The following TRDMT1 variants were observed in gnomAD, a reference collection of about 807,000 sequenced individuals.
TRDMT1 encodes tRNA (cytosine(38)-C(5))-methyltransferase.
TRDMT1 carries 49 observed loss-of-function variants against 51.2 expected under a neutral mutation model. The observed-to-expected ratio is 0.96, with a 90% CI of 0.76 to 1.21. The LOEUF (loss-of-function observed/expected upper bound fraction) is 1.21. TRDMT1 is among the 50% of genes most tolerant of loss of function. The pLI, the probability that TRDMT1 is intolerant of heterozygous loss-of-function variation, is 0.00. For missense variants in TRDMT1, 534 were observed against 462.3 expected (o/e 1.16, Z -1.42); for synonymous variants, 187 against 164.6 (o/e 1.14, Z -1.04).
Position 17,147,222 on chromosome 10 carries a change from G to T in TRDMT1, c.*1818C>A, listed in dbSNP as rs909651395. 2.0e-6 allele frequency: 2 copies of T among 985,692 alleles called. No individual in the cohort carries two copies. The highest frequency in any genetic ancestry group is 2.4e-6 in the Non-Finnish European group (2 of 829,934). The allele number at this position is 985,692 out of a possible 1,614,324, so 61.1% of individuals were successfully genotyped here. ...ACATGAAAGTGTGCCAAAATAATTT[G>T]TGATTGTTTACTGAAATTTATGAGA... On this transcript the variant is annotated 3_prime_UTR_variant, in exon 11 of 11. Coordinates refer to ENST00000377799, the MANE Select transcript of TRDMT1 (RefSeq NM_004412.7).
intron 1 of TRDMT1, among the ~76,000 whole-genome samples, chr10:17,190,063 T>C (rs1159939279): frequency 6.6e-6 from 1 of 152,178 alleles, no homozygotes; most frequent in African/African-American, 2.4e-5. Flanking sequence ...ATGAAAATAA[T>C]TAGTGGATAT....
intron 5 of TRDMT1, 74 bp downstream of exon 5, chr10:17,161,409 T>A (rs1840338496): frequency 1.8e-6 from 2 of 1,141,810 alleles, no homozygotes; most frequent in Non-Finnish European, 2.3e-6. Context: ...TTTTTAAGAT[T>A]TTTATTTCAC....
intron 7 of TRDMT1, among the ~76,000 whole-genome samples, chr10:17,157,994 T>C (rs1027195367): frequency 6.6e-6 from 1 of 152,188 alleles, no homozygotes; most frequent in Non-Finnish European, 1.5e-5. Flanking sequence ...AGATGATTTA[T>C]TTCATGGATT....
At chr10:17,153,298 G>A (rs922673187) in intron 10 of TRDMT1, 17 of 587,018 alleles carry the variant, frequency 2.9e-5, no homozygotes, top group African/African-American at 2.4e-4. Context: ...CACTACTGGA[G>A]TTAGAGAGGG....
At chr10:17,169,571 C>T (rs916268393) in intron 2 of TRDMT1, 1 of 1,278,300 alleles carries the variant, frequency 7.8e-7, no homozygotes, top group East Asian at 5.6e-5. Context: ...CAGGGAAGCA[C>T]ACGTCAGGGG....
At position 17,148,185 on chromosome 10, in the gene TRDMT1, T is replaced by A. The variant is rs1588691823; in HGVS notation, c.*855A>T. On this transcript the variant is annotated 3_prime_UTR_variant, in exon 11 of 11. Coordinates refer to ENST00000377799, the MANE Select transcript of TRDMT1 (RefSeq NM_004412.7). ...GTCATAAAAGTTCATTGAGAGTGTA[T>A]GTTGCTACAATAAAGAACAACTGGG... The A allele has an allele frequency of 1.0e-6, 1 of 985,424 alleles. No homozygotes were observed. The highest frequency in any genetic ancestry group is 1.1e-4 in the East Asian group (1 of 8,818). The allele number at this position is 985,424 out of a possible 1,614,324, so 61.0% of individuals were successfully genotyped here. A position where few individuals can be genotyped will look rare whatever the true frequency, so the allele number is the denominator to read the frequency against.
intron 5 of TRDMT1, among the ~76,000 whole-genome samples, chr10:17,160,833 G>A (rs541831213): frequency 3.9e-5 from 6 of 152,102 alleles, no homozygotes; most frequent in East Asian, 3.8e-4. Flanking sequence ...ATGACCCTAC[G>A]TTTTTACTAA....
rs1588671834 is a variant in TRDMT1, at chr10:17,140,252, T to C, written c.*8788A>G. On this transcript the variant is annotated 3_prime_UTR_variant, in exon 11 of 11. Transcript: ENST00000377799. The stretch of plus-strand genomic sequence containing the variant: ...TTTTGTACCTTTAGTAGAGATAGGG[T>C]TTTATCATGGCCAGGCTGGTCTTGA... Among the ~76,000 whole-genome samples, 1 of 141,850 alleles carries C rather than the reference T, an allele frequency of 7.0e-6. No individual in the cohort carries two copies. Among genetic ancestry groups the C allele is most frequent in the African/African-American group, 2.6e-5 (1 of 38,094 alleles). The allele number at this position is 141,850 out of a possible 152,430, so 93.1% of individuals were successfully genotyped here.
intron 1 of TRDMT1, among the ~76,000 whole-genome samples, chr10:17,193,878 G>T (rs545117283): frequency 6.6e-6 from 1 of 152,086 alleles, no homozygotes; most frequent in Non-Finnish European, 1.5e-5. Flanking sequence ...AAAGAACAAG[G>T]CCAGAGGTAT....
intron 1 of TRDMT1, among the ~76,000 whole-genome samples, chr10:17,180,573 C>T (rs57095812): frequency 0.03 from 4,502 of 149,450 alleles, 214 homozygotes; most frequent in African/African-American, 0.1. Context: ...TTTCCATATT[C>T]GGTACAGAGA....
chr10:17,180,267 G>A (rs1843118964), intron 1 of TRDMT1, among the ~76,000 whole-genome samples: 2 of 152,202 alleles, frequency 1.3e-5, no homozygotes, highest in East Asian at 3.8e-4. Flanking sequence ...TCTGCCGGGT[G>A]TGGTGGCTCA....
intron 1 of TRDMT1, 21 bp downstream of exon 1, chr10:17,201,550 G>A: frequency 6.5e-7 from 1 of 1,544,914 alleles, no homozygotes; most frequent in Non-Finnish European, 8.7e-7. Context: ...ATAGAGAGAG[G>A]GGTGCTAGAT....
chr10:17,167,889 C>T (rs985067068), intron 3 of TRDMT1, among the ~76,000 whole-genome samples: 1 of 152,148 alleles, frequency 6.6e-6, no homozygotes, highest in African/African-American at 2.4e-5. Context: ...TGGAAATAAA[C>T]ATTGTGTCTT....
chr10:17,163,213 G>C (rs988962266), intron 3 of TRDMT1, among the ~76,000 whole-genome samples: 1 of 152,150 alleles, frequency 6.6e-6, no homozygotes, highest in Non-Finnish European at 1.5e-5. Context: ...ACTTGGGCTA[G>C]CAAATAGATC....
At chr10:17,194,821 T>G (rs974538529) in intron 1 of TRDMT1, among the ~76,000 whole-genome samples, 2 of 150,336 alleles carry the variant, frequency 1.3e-5, no homozygotes, top group Non-Finnish European at 2.9e-5. Flanking sequence ...TAATCACAGC[T>G]ACTAGGGAGG....
In TRDMT1 at chr10:17,144,834, G is replaced by T; in HGVS notation, c.*4206C>A. On this transcript the variant is annotated 3_prime_UTR_variant, in exon 11 of 11. Transcript: ENST00000377799. ...TTTTTCTTTTTTTTTTTAAACTGAA[G>T]CTTTAAAATTTCACCAGCAAAGACA... The T allele has an allele frequency of 1.0e-6, 1 of 984,630 alleles. No homozygotes were observed. The highest frequency in any genetic ancestry group is 1.2e-6 in the Non-Finnish European group (1 of 829,738). The allele number at this position is 984,630 out of a possible 1,614,324, so 61.0% of individuals were successfully genotyped here. A position where few individuals can be genotyped will look rare whatever the true frequency, so the allele number is the denominator to read the frequency against.
intron 4 of TRDMT1, among the ~76,000 whole-genome samples, 155 bp from the exon 5 acceptor site, chr10:17,161,703 C>T (rs748304589): frequency 3.9e-5 from 6 of 152,258 alleles, no homozygotes; most frequent in Middle Eastern, 6.8e-3. Flanking sequence ...ATATTTTATT[C>T]ATTTTTCCCT....
chr10:17,148,911 A>G lies in TRDMT1; in HGVS notation c.*129T>C. On this transcript the variant is annotated 3_prime_UTR_variant, in exon 11 of 11. Transcript: ENST00000377799. Reference sequence around the variant, plus strand: ...CATGGATTTTTTTAATAAAATCCAAATTTCTTAATAAGGACAGATTAAAAT... The same window carrying G: ...CATGGATTTTTTTAATAAAATCCAAGTTTCTTAATAAGGACAGATTAAAAT... 7.7e-7 allele frequency: 1 copy of G among 1,300,680 alleles called. No individual in the cohort carries two copies. The highest frequency in any genetic ancestry group is 9.9e-7 in the Non-Finnish European group (1 of 1,012,684). The allele number at this position is 1,300,680 out of a possible 1,614,324, so 80.6% of individuals were successfully genotyped here.
chr10:17,184,906 A>G (rs772694440), intron 1 of TRDMT1, among the ~76,000 whole-genome samples: 1 of 152,166 alleles, frequency 6.6e-6, no homozygotes, highest in African/African-American at 2.4e-5. Context: ...CGTCCTGATG[A>G]AGATTTAGAA....
Sources: gnomAD v4.1 joint callset for allele counts (sites outside exome capture counted in the v4.1 genomes callset) on GRCh38, gnomAD v4.1.1 for gene constraint, MANE v1.5 for transcripts, NCBI Gene and HGNC (gene_info 2026-07-23, HGNC 2026-07-21) for gene names.